TDRP: variants seen among roughly 807,000 people sequenced by gnomAD.
TDRP encodes the protein testis development related protein.
TDRP carries 12 observed loss-of-function variants against 10.5 expected under a neutral mutation model. The observed-to-expected ratio is 1.15, with a 90% confidence interval of 0.73 to 1.86. The LOEUF is 1.86. Ranked by LOEUF, TDRP falls within the 40% of genes most tolerant of loss-of-function variation. The pLI, the probability that TDRP is intolerant of heterozygous loss-of-function variation, is 0.00. For synonymous variants in TDRP, 139 were observed against 95.4 expected (o/e 1.46, Z -2.67); for missense variants, 353 against 229.2 (o/e 1.54, Z -3.49).
At chr8:539,900 C>A (rs201949288) in intron 1 of TDRP, among the ~76,000 whole-genome samples, 1 of 152,208 alleles carries the variant, frequency 6.6e-6, no homozygotes, top group Admixed American at 6.5e-5. Flanking sequence ...TTTAAAACAC[C>A]TGAAACACTC....
At chr8:545,081 C>T (rs897962334), upstream of TDRP, 2 of 199,538 alleles carry the variant, frequency 1.0e-5, no homozygotes, top group African/African-American at 2.4e-5. Context: ...GACCCACCCC[C>T]AAATTCGACG....
rs1275407524 is a variant in TDRP at position 490,805 on chromosome 8, G to C, written c.*1594C>G. On this transcript the variant is annotated 3_prime_UTR_variant, in exon 3 of 3. Coordinates refer to ENST00000324079, the MANE Select transcript of TDRP (RefSeq NM_001384899.1). ...TCACCATTTCAAGGTTCTAATACAAGCTGGAATTTTTGTTTGAACACCAAT... is the reference window on the plus strand; with the variant it reads ...TCACCATTTCAAGGTTCTAATACAACCTGGAATTTTTGTTTGAACACCAAT... The C allele has an allele frequency of 6.6e-6, 1 of 152,128 alleles. No individual in the cohort carries two copies. Among genetic ancestry groups the C allele is most frequent in the African/African-American group, 2.4e-5 (1 of 41,412 alleles). The allele number at this position is 152,128 out of a possible 1,614,324, so 9.4% of individuals were successfully genotyped here.
At chr8:528,139 T>C (rs1440970136) in intron 1 of TDRP, among the ~76,000 whole-genome samples, 3 of 152,106 alleles carry the variant, frequency 2.0e-5, no homozygotes, top group African/African-American at 7.2e-5. Context: ...ATATAATTGG[T>C]AAATGGGTAT....
At position 528,469 on chromosome 8, in the gene TDRP, T is replaced by C. The variant is rs776850587; in HGVS notation, c.108+16181A>G. On this transcript the variant is annotated intron_variant, in intron 1 of 2. Transcript: ENST00000324079. Reference sequence around the variant, plus strand: ...GAGATATCTGTGCTTCCAATATATATTGCAGCACTGTTCACAACAGCCAAG... The same window carrying C: ...GAGATATCTGTGCTTCCAATATATACTGCAGCACTGTTCACAACAGCCAAG... Among the ~76,000 whole-genome samples, 16 of 132,418 alleles carry C rather than the reference T, an allele frequency of 1.2e-4. 1 individual carries two copies. Among genetic ancestry groups the C allele is most frequent in the Non-Finnish European group, 1.9e-4 (11 of 58,620 alleles). 86.9% of individuals were successfully genotyped at this position (132,418 alleles called of 152,430 possible). A position where few individuals can be genotyped will look rare whatever the true frequency, so the allele number is the denominator to read the frequency against.
Position 499,890 on chromosome 8 carries a change from G to A in TDRP, c.109-5293C>T, listed in dbSNP as rs75575887. Among the ~76,000 whole-genome samples the A allele has an allele frequency of 2.0e-4, 30 of 152,324 alleles. No individual in the cohort carries two copies. In the East Asian group the frequency reaches 4.1e-3, roughly 21 times the overall value. ...TGAGGTGGACAAAATCTTAGGTGGC[G>A]ACAGCCTAAGTGCTGCTCATGGTAT... On this transcript the variant is annotated intron_variant, in intron 1 of 2. Transcript: ENST00000324079.
At chr8:535,142 T>C (rs926786599) in intron 1 of TDRP, among the ~76,000 whole-genome samples, 7 of 152,222 alleles carry the variant, frequency 4.6e-5, no homozygotes, top group South Asian at 4.1e-4. Flanking sequence ...ATGGTTTTAA[T>C]ATACATTTAT....
At chr8:520,368 G>A (rs977580577) in intron 1 of TDRP, among the ~76,000 whole-genome samples, 4 of 152,146 alleles carry the variant, frequency 2.6e-5, no homozygotes, top group Non-Finnish European at 5.9e-5. Flanking sequence ...CAGACATGGA[G>A]GCTGCTTCTC....
At chr8:500,994 C>T (rs13280133) in intron 1 of TDRP, among the ~76,000 whole-genome samples, 36,785 of 152,070 alleles carry the variant, frequency 0.24, 4,513 homozygotes, top group East Asian at 0.27. Context: ...ATCACAAGGT[C>T]AGGAGATCGA....
chr8:523,634 G>A (rs1253465295), intron 1 of TDRP, among the ~76,000 whole-genome samples: 1 of 152,152 alleles, frequency 6.6e-6, no homozygotes, highest in Admixed American at 6.5e-5. Flanking sequence ...CTTGGGCCTT[G>A]AGTTAACATC....
intron 1 of TDRP, among the ~76,000 whole-genome samples, chr8:544,034 T>C (rs1802570003): frequency 6.6e-6 from 1 of 152,110 alleles, no homozygotes; most frequent in African/African-American, 2.4e-5. Flanking sequence ...TCTACACTCG[T>C]CAGGTAAAGG....
chr8:514,447 G>A (rs950070614), intron 1 of TDRP, among the ~76,000 whole-genome samples: 1 of 152,136 alleles, frequency 6.6e-6, no homozygotes, highest in African/African-American at 2.4e-5. Flanking sequence ...CTCCCACCAA[G>A]GGAACTGCCA....
chr8:500,231 G>C (rs574399857), intron 1 of TDRP, among the ~76,000 whole-genome samples: 1 of 152,126 alleles, frequency 6.6e-6, no homozygotes, highest in Non-Finnish European at 1.5e-5. Context: ...GTTTCATGAA[G>C]AAAATCTATG....
At chr8:508,641 G>C (rs1801530962) in intron 1 of TDRP, among the ~76,000 whole-genome samples, 1 of 152,076 alleles carries the variant, frequency 6.6e-6, no homozygotes, top group African/African-American at 2.4e-5. Flanking sequence ...TTGCGATTAT[G>C]GGAATTACAA....
intron 1 of TDRP, among the ~76,000 whole-genome samples, chr8:504,630 G>T (rs753754051): frequency 6.6e-6 from 1 of 150,674 alleles, no homozygotes; most frequent in South Asian, 2.1e-4. Context: ...TTGGGAATAA[G>T]AAGTCAGCAC....
At chr8:518,736 T>A (rs75036945) in intron 1 of TDRP, among the ~76,000 whole-genome samples, 2 of 148,958 alleles carry the variant, frequency 1.3e-5, no homozygotes, top group Non-Finnish European at 3.0e-5. Context: ...TGAAAAAAAA[T>A]TGGAAAAGTA....
rs569424390 is a variant in TDRP, at chr8:525,815, T to C, written c.108+18835A>G. On this transcript the variant is annotated intron_variant, in intron 1 of 2. Transcript: ENST00000324079. ...GTAAGAAAATGGCAGGAGTAAGTCA[T>C]TATTTATCAATAACACTGAATGTAA... 9.8e-5 allele frequency among the ~76,000 whole-genome samples: 15 copies of C among 152,300 alleles called. No homozygotes were observed. In the East Asian group the frequency reaches 2.1e-3, roughly 22 times the overall value.
At chr8:527,763 C>A (rs1802071712) in intron 1 of TDRP, among the ~76,000 whole-genome samples, 1 of 152,084 alleles carries the variant, frequency 6.6e-6, no homozygotes, top group Admixed American at 6.5e-5. Flanking sequence ...AAAATCAAAT[C>A]AAAATGGATT....
At chr8:544,585 C>T in intron 1 of TDRP, 65 bp downstream of exon 1, 1 of 1,107,108 alleles carries the variant, frequency 9.0e-7, no homozygotes, top group Non-Finnish European at 1.1e-6. Flanking sequence ...TGCGCGCCGC[C>T]CACCCTCGCC....
intron 1 of TDRP, among the ~76,000 whole-genome samples, chr8:499,448 T>G (rs963248437): frequency 5.3e-5 from 8 of 152,180 alleles, no homozygotes; most frequent in African/African-American, 1.9e-4. Context: ...CCTGGGTGGC[T>G]GCTGCACATC....
Sources: gnomAD v4.1 joint callset for allele counts (sites outside exome capture counted in the v4.1 genomes callset) on GRCh38, gnomAD v4.1.1 for gene constraint, MANE v1.5 for transcripts, NCBI Gene and HGNC (gene_info 2026-07-23, HGNC 2026-07-21) for gene names.